Variants in SLC35D4 observed in about 807,000 individuals in gnomAD.
SLC35D4 encodes solute carrier family 35 member D4.
the SLC35D4 span, among the ~76,000 whole-genome samples, chr18:23,409,058 C>T: frequency 2.6e-5 from 4 of 151,904 alleles, no homozygotes; most frequent in Non-Finnish European, 5.9e-5. Flanking sequence ...TTGCTTGAAC[C>T]CAGGAGGCGG....
At chr18:23,399,788 T>C in the SLC35D4 span, 1 of 735,910 alleles carries the variant, frequency 1.4e-6, no homozygotes, top group Non-Finnish European at 2.3e-6. Flanking sequence ...TTAAGTGAGA[T>C]GTAGTCTTTA....
the SLC35D4 span, chr18:23,399,593 A>G: frequency 6.2e-7 from 1 of 1,613,996 alleles, no homozygotes; most frequent in East Asian, 2.2e-5. Flanking sequence ...TGGACCCAGC[A>G]TAGATTATAC....
the SLC35D4 span, among the ~76,000 whole-genome samples, chr18:23,274,395 T>A: frequency 6.6e-6 from 1 of 152,238 alleles, no homozygotes; most frequent in African/African-American, 2.4e-5. Flanking sequence ...AGGTAGATAA[T>A]TCTTGAGAAG....
At chr18:23,254,331 T>C in the SLC35D4 span, among the ~76,000 whole-genome samples, 1 of 152,206 alleles carries the variant, frequency 6.6e-6, no homozygotes, top group African/African-American at 2.4e-5. Flanking sequence ...TGGCTCCTCT[T>C]TGGGGAAAGG....
At chr18:23,248,187 T>TGGCGCA in the SLC35D4 span, among the ~76,000 whole-genome samples, 7 of 152,180 alleles carry the variant, frequency 4.6e-5, no homozygotes, top group African/African-American at 1.4e-4. Context: ...TCAGGGAGTG[T>TGGCGCA]GGCGCAGGGG....
chr18:23,391,085 G>C, the SLC35D4 span, among the ~76,000 whole-genome samples: 50 of 152,002 alleles, frequency 3.3e-4, no homozygotes, highest in South Asian at 6.2e-4. Flanking sequence ...AATTAGCCAG[G>C]CATGGTGGCA....
chr18:23,268,611 C>T, the SLC35D4 span, among the ~76,000 whole-genome samples: 1 of 152,044 alleles, frequency 6.6e-6, no homozygotes, highest in Non-Finnish European at 1.5e-5. Flanking sequence ...GGCAAAGATG[C>T]TGCTCCTAGC....
chr18:23,382,239 CAAA>C, the SLC35D4 span, among the ~76,000 whole-genome samples: 8 of 75,694 alleles, frequency 1.1e-4, no homozygotes, highest in Non-Finnish European at 1.5e-4. Flanking sequence ...GACTCAGTCT[CAAA>C]AAAAAAAAAA....
the SLC35D4 span, among the ~76,000 whole-genome samples, chr18:23,252,480 CAGAA>C: frequency 6.6e-6 from 1 of 152,208 alleles, no homozygotes; most frequent in Non-Finnish European, 1.5e-5. Context: ...ATACAGTTCT[CAGAA>C]AGCTGCGTGA....
the SLC35D4 span, among the ~76,000 whole-genome samples, chr18:23,328,746 A>C: frequency 2.0e-5 from 3 of 152,230 alleles, no homozygotes; most frequent in Non-Finnish European, 2.9e-5. Context: ...CCGCATTGCC[A>C]AGACAATCCT....
chr18:23,297,760 AC>A, the SLC35D4 span: 4 of 456,900 alleles, frequency 8.8e-6, no homozygotes, highest in Non-Finnish European at 1.6e-5. Flanking sequence ...GATGTAACAG[AC>A]CGCTCCTCTG....
chr18:23,350,773 G>T, the SLC35D4 span, among the ~76,000 whole-genome samples: 1 of 152,108 alleles, frequency 6.6e-6, no homozygotes, highest in Non-Finnish European at 1.5e-5. Flanking sequence ...TCTTGGAAGT[G>T]GTGGTAAGCC....
At chr18:23,352,562 A>T in the SLC35D4 span, among the ~76,000 whole-genome samples, 2 of 152,258 alleles carry the variant, frequency 1.3e-5, no homozygotes, top group African/African-American at 2.4e-5. Context: ...GAAAGAAAAA[A>T]AAGGTGGAGG....
the SLC35D4 span, among the ~76,000 whole-genome samples, chr18:23,270,199 G>A: frequency 6.6e-6 from 1 of 152,336 alleles, no homozygotes; most frequent in Middle Eastern, 3.4e-3. Context: ...CTCTAGCCAT[G>A]GCTAAAAGGG....
At chr18:23,338,598 T>C in the SLC35D4 span, among the ~76,000 whole-genome samples, 1 of 152,210 alleles carries the variant, frequency 6.6e-6, no homozygotes, top group East Asian at 1.9e-4. Flanking sequence ...TAGGTCTGTA[T>C]GACTCTACAT....
At chr18:23,377,764 A>C in the SLC35D4 span, 1 of 1,157,180 alleles carries the variant, frequency 8.6e-7, no homozygotes, top group Non-Finnish European at 1.2e-6. Flanking sequence ...CAAATAAATT[A>C]TGAGTAGATT....
At chr18:23,412,189 T>C in the SLC35D4 span, among the ~76,000 whole-genome samples, 1 of 152,066 alleles carries the variant, frequency 6.6e-6, no homozygotes, top group African/African-American at 2.4e-5. Flanking sequence ...CATGGTGGCA[T>C]GCACCTGTAA....
the SLC35D4 span, among the ~76,000 whole-genome samples, chr18:23,396,528 C>T: frequency 6.6e-6 from 1 of 152,190 alleles, no homozygotes; most frequent in Non-Finnish European, 1.5e-5. Flanking sequence ...TTTCCGCCCT[C>T]CTCCCACTCT....
the SLC35D4 span, among the ~76,000 whole-genome samples, chr18:23,407,866 A>C: frequency 6.6e-6 from 1 of 152,164 alleles, no homozygotes; most frequent in Non-Finnish European, 1.5e-5. Flanking sequence ...TGAGCCAGAA[A>C]ATTCACTTCC....
Sources: gnomAD v4.1 joint callset for allele counts (sites outside exome capture counted in the v4.1 genomes callset) on GRCh38, gnomAD v4.1.1 for gene constraint, MANE v1.5 for transcripts, NCBI Gene and HGNC (gene_info 2026-07-23, HGNC 2026-07-21) for gene names.